Variants in MEF2C observed in about 807,000 individuals in gnomAD.
MEF2C encodes the protein myocyte-specific enhancer factor 2C.
A neutral mutation model predicts 50.5 loss-of-function variants in MEF2C; 6 were observed. The ratio of observed to expected loss-of-function variants is 0.12; its 90% CI spans 0.07 to 0.23. The LOEUF (loss-of-function observed/expected upper bound fraction) is 0.23, where lower values mean the gene tolerates loss of function less well. Among genes scored for constraint, MEF2C ranks in the 10% least tolerant of loss-of-function variants. The probability of loss-of-function intolerance (pLI) is 1.00; values close to 1 mark genes in which losing one functional copy is unlikely to be tolerated. For missense variants in MEF2C, 276 were observed against 605.0 expected (o/e 0.46, Z 5.70); for synonymous variants, 183 against 228.0 (o/e 0.80, Z 1.78).
intron 1 of MEF2C, among the ~76,000 whole-genome samples, chr5:88,866,642 C>G (rs1341194670): frequency 2.0e-5 from 3 of 152,180 alleles, no homozygotes; most frequent in South Asian, 2.1e-4. Flanking sequence ...AAGCTATGCA[C>G]TTGATGAATA....
intron 2 of MEF2C, among the ~76,000 whole-genome samples, chr5:88,816,467 T>C (rs1805438012): frequency 2.8e-5 from 2 of 70,524 alleles, no homozygotes; most frequent in Admixed American, 1.8e-4. Flanking sequence ...GCCTACTGCT[T>C]TTTTTTTTTT....
chr5:88,781,005 G>A, intron 3 of MEF2C: 1 of 901,120 alleles, frequency 1.1e-6, no homozygotes, highest in Non-Finnish European at 1.3e-6. Context: ...CCTCTATTTG[G>A]CAGAGTTCCA....
chr5:88,722,303 C>T lies in MEF2C; in HGVS notation c.*301G>A. On this transcript the variant is annotated 3_prime_UTR_variant, in exon 11 of 11. Transcript: ENST00000504921. ...ATAACGTTGAACCTGCAACATGACA[C>T]TATCTATTGTAACATACATTTTGCA... The T allele has an allele frequency of 3.6e-6, 1 of 281,548 alleles. No individual in the cohort carries two copies. The allele number at this position is 281,548 out of a possible 1,614,324, so 17.4% of individuals were successfully genotyped here. A position where few individuals can be genotyped will look rare whatever the true frequency, so the allele number is the denominator to read the frequency against.
intron 1 of MEF2C, among the ~76,000 whole-genome samples, chr5:88,841,692 T>C (rs1324833715): frequency 1.3e-5 from 2 of 152,190 alleles, no homozygotes; most frequent in African/African-American, 2.4e-5. Context: ...TTCATTTCGC[T>C]GCATAATAAA....
At chr5:88,736,186 C>A in intron 6 of MEF2C, 1 of 984,840 alleles carries the variant, frequency 1.0e-6, no homozygotes, top group Non-Finnish European at 1.2e-6. Context: ...GCTTCCATCA[C>A]CATTTGAATA....
chr5:88,744,269 T>C (rs770399791), intron 6 of MEF2C: 12 of 559,434 alleles, frequency 2.1e-5, no homozygotes, highest in Non-Finnish European at 2.7e-5. Flanking sequence ...AAAGCTTTAA[T>C]GTGGTCAGGC....
intron 3 of MEF2C, among the ~76,000 whole-genome samples, chr5:88,800,022 A>T (rs1430706785): frequency 6.6e-6 from 1 of 152,080 alleles, no homozygotes; most frequent in Admixed American, 6.6e-5. Context: ...CCATCTCTGA[A>T]TTTCCTAGAG....
rs1756481798 is a variant in MEF2C, at chr5:88,721,973, T to C, written c.*631A>G. ...TAAGAGATGCAGACCCAGATTTATTTATTTATTTAATTAAATATGTTAGCC... is the reference window on the plus strand; with the variant it reads ...TAAGAGATGCAGACCCAGATTTATTCATTTATTTAATTAAATATGTTAGCC... On this transcript the variant is annotated 3_prime_UTR_variant, in exon 11 of 11. Transcript: ENST00000504921. 1.3e-5 allele frequency: 2 copies of C among 152,652 alleles called. No individual in the cohort carries two copies. The highest frequency in any genetic ancestry group is 2.9e-5 in the Non-Finnish European group (2 of 68,040). The allele number at this position is 152,652 out of a possible 1,614,324, so 9.5% of individuals were successfully genotyped here. A position where few individuals can be genotyped will look rare whatever the true frequency, so the allele number is the denominator to read the frequency against.
At chr5:88,897,192 T>C (rs1835200883) in intron 1 of MEF2C, among the ~76,000 whole-genome samples, 1 of 152,190 alleles carries the variant, frequency 6.6e-6, no homozygotes, top group Non-Finnish European at 1.5e-5. Flanking sequence ...GTAATTACTC[T>C]ATGATTGCAA....
At position 88,787,552 on chromosome 5, in the gene MEF2C, T is replaced by C. The variant is rs369653611; in HGVS notation, c.258+17046A>G. On this transcript the variant is annotated intron_variant, in intron 3 of 10. Transcript: ENST00000504921. Reference sequence around the variant, plus strand: ...GAACTGAATTTTTAATCTCCATCTTTCCTTCAAATTTGTGGAGCTTTTAAA... The same window carrying C: ...GAACTGAATTTTTAATCTCCATCTTCCCTTCAAATTTGTGGAGCTTTTAAA... 3.3e-5 allele frequency among the ~76,000 whole-genome samples: 5 copies of C among 152,234 alleles called. No homozygotes were observed. In the East Asian group the frequency reaches 5.8e-4, roughly 18 times the overall value.
intron 1 of MEF2C, among the ~76,000 whole-genome samples, chr5:88,873,124 C>T (rs766361965): frequency 4.6e-5 from 7 of 151,930 alleles, no homozygotes; most frequent in Non-Finnish European, 1.0e-4. Flanking sequence ...ACCTAAAAGG[C>T]ATAATGTGGT....
Position 88,873,708 on chromosome 5 carries a change from A to ATTT in MEF2C, c.-143+9244_-143+9246dup, listed in dbSNP as rs199642010. ...TGCAAATCTATCAATGTCGTCACGG[A>ATTT]TTTTTTTTTTTTTTTTTTTTTTTTT... On this transcript the variant is annotated intron_variant, in intron 1 of 10. Transcript: ENST00000504921. Among the ~76,000 whole-genome samples the ATTT allele has an allele frequency of 9.6e-4, 90 of 93,804 alleles. 2 individuals are homozygous for ATTT. Among genetic ancestry groups the ATTT allele is most frequent in the African/African-American group, 3.0e-3 (68 of 22,830 alleles). The allele number at this position is 93,804 out of a possible 152,430, so 61.5% of individuals were successfully genotyped here. A position where few individuals can be genotyped will look rare whatever the true frequency, so the allele number is the denominator to read the frequency against.
At chr5:88,783,586 C>T (rs1789309125) in intron 3 of MEF2C, among the ~76,000 whole-genome samples, 1 of 151,966 alleles carries the variant, frequency 6.6e-6, no homozygotes, top group Admixed American at 6.6e-5. Flanking sequence ...GCTGAGATCA[C>T]GCCATTGCAC....
chr5:88,728,774 A>G, intron 9 of MEF2C, 146 bp from the exon 10 acceptor site: 1 of 573,994 alleles, frequency 1.7e-6, no homozygotes, highest in Non-Finnish European at 2.7e-6. Context: ...GAGGGGAGAT[A>G]AAGCATCAGC....
intron 1 of MEF2C, among the ~76,000 whole-genome samples, chr5:88,896,963 ACACG>A (rs1181382898): frequency 1.3e-5 from 2 of 151,572 alleles, no homozygotes; most frequent in African/African-American, 2.4e-5. Flanking sequence ...ACACACACAC[ACACG>A]CACAACTGGT....
In MEF2C at chr5:88,721,098, C is replaced by T. The variant is rs1465835393; in HGVS notation, c.*1506G>A. Reference sequence around the variant, plus strand: ...TATAACTTATTCACCAAGTAAATTCCATATCACTTGTTTCTAGGGCCATAT... The same window carrying T: ...TATAACTTATTCACCAAGTAAATTCTATATCACTTGTTTCTAGGGCCATAT... On this transcript the variant is annotated 3_prime_UTR_variant, in exon 11 of 11. Coordinates refer to ENST00000504921, the MANE Select transcript of MEF2C (RefSeq NM_002397.5). 6.6e-6 allele frequency: 1 copy of T among 152,524 alleles called. No homozygotes were observed. The highest frequency in any genetic ancestry group is 1.5e-5 in the Non-Finnish European group (1 of 68,018). 9.4% of individuals were successfully genotyped at this position (152,524 alleles called of 1,614,324 possible).
intron 2 of MEF2C, chr5:88,819,424 A>G (rs1017107744): frequency 2.1e-6 from 2 of 974,652 alleles, no homozygotes; most frequent in Admixed American, 1.2e-4. Context: ...TCTAACATCC[A>G]ATCTTTTCTC....
At chr5:88,770,585 C>T (rs939618735) in intron 3 of MEF2C, among the ~76,000 whole-genome samples, 4 of 152,080 alleles carry the variant, frequency 2.6e-5, no homozygotes, top group Non-Finnish European at 4.4e-5. Context: ...TCCAGCCTAC[C>T]CCTTCATCCA....
chr5:88,804,733 A>G lies in MEF2C; in HGVS notation c.123T>C (p.Cys41=), dbSNP rs1322064707. 2 of 1,614,082 alleles carry G rather than the reference A, an allele frequency of 1.2e-6. No individual in the cohort carries two copies. The highest frequency in any genetic ancestry group is 2.2e-5 in the South Asian group (2 of 91,082). The change falls in exon 3 of 11, where the codon TGT becomes TGC. Residue 41 remains cysteine, a synonymous_variant. Transcript: ENST00000504921. ...KAYELSVLCD[C]EIALIIFNST... ...TGTTGAAGATGATCAGCGCAATCTC[A>G]CAGTCACACAGCACGCTCAGCTCAT...
Sources: allele counts gnomAD v4.1 joint callset (sites outside exome capture counted in the v4.1 genomes callset), GRCh38; gene constraint gnomAD v4.1.1; transcripts MANE v1.5; gene names NCBI Gene and HGNC (gene_info 2026-07-23, HGNC 2026-07-21).